TRO: variants seen among roughly 807,000 people sequenced by gnomAD.
TRO encodes trophinin.
In TRO, 29 loss-of-function variants were observed where a neutral mutation model predicts 42.3. The ratio of observed to expected loss-of-function variants is 0.68; its 90% CI spans 0.51 to 0.93. TRO has a LOEUF of 0.93. Ranked by LOEUF, TRO falls within the 40% of genes least tolerant of loss-of-function variation. The pLI is 0.00. For synonymous variants in TRO, 384 were observed against 425.2 expected (o/e 0.90, Z 1.19); for missense variants, 963 against 1,127.7 (o/e 0.85, Z 2.09).
intron 1 of TRO, chrX:54,921,990 T>C (rs1285745740): frequency 3.2e-6 from 1 of 312,815 alleles, no homozygotes; most frequent in African/African-American, 2.9e-5. Context: ...CACTATCGAG[T>C]TGCGGAGGGG....
At position 54,924,443 on chromosome X, in the gene TRO, T is replaced by C; in HGVS notation, c.1237-8T>C. On this transcript the variant is annotated splice_polypyrimidine_tract_variant and splice_region_variant and intron_variant, in intron 3 of 12. Transcript: ENST00000173898. ...GACTCTGGACCTTCCTTCTTTCTGA[T>C]GATGAAGTCCAAGCATCTGAATGGG... is the stretch of plus-strand genomic sequence containing the variant. 8.4e-7 allele frequency: 1 copy of C among 1,194,056 alleles called. No individual in the cohort carries two copies. Among genetic ancestry groups the C allele is most frequent in the Non-Finnish European group, 1.1e-6 (1 of 886,905 alleles).
rs939940763 is a variant in TRO, at chrX:54,930,644, C to T, written c.3920C>T (p.Ala1307Val). 3 of 1,210,852 alleles carry T rather than the reference C, an allele frequency of 2.5e-6. No homozygotes were observed. The highest frequency in any genetic ancestry group is 3.0e-5 in the East Asian group (1 of 33,821). The change falls in exon 12 of 13, where the codon GCT becomes GTT. Residue 1307 changes from alanine (A) to valine (V), a missense_variant. Physicochemically the swap from Ala to Val is moderately conservative, Grantham distance 64. This residue lies in a region of TRO where 641 missense variants were observed against 811.3 expected (regional missense o/e 0.79). Transcript: ENST00000173898. ...TTCGGCAGCACACTTGGCACCAGTG[C>T]TGGCTTTAGTGGTGGCCTCAGCACC... The part of the protein sequence containing the change: ...ASFGSTLGTS[A>V]GFSGGLSTSD...
chrX:54,922,058 C>T (rs1243432921), intron 1 of TRO, 145 bp from the exon 2 acceptor site: 11 of 423,074 alleles, frequency 2.6e-5, no homozygotes, highest in Non-Finnish European at 4.4e-5. Flanking sequence ...GGAGCTGGGC[C>T]TTGGAAACCA....
rs746078497 is a variant in TRO at position 54,930,705 on chromosome X, C to T, written c.3981C>T (p.Phe1327=). The T allele has an allele frequency of 3.1e-5, 37 of 1,210,603 alleles. No homozygotes were observed. Among genetic ancestry groups the T allele is most frequent in the African/African-American group, 5.2e-5 (3 of 57,327 alleles). Residue 1327 remains phenylalanine (F), a synonymous_variant, in exon 12 of 13, where the codon TTC becomes TTT. Transcript: ENST00000173898. ...DGFGSRPNAS[F]DRGLSTIIGF... is the part of the protein sequence containing the mutation. ...TTGGCAGTAGGCCTAATGCCAGCTT[C>T]GACAGAGGACTGAGTACCATCATTG... is the stretch of plus-strand genomic sequence containing the variant.
rs187956768 is a variant in TRO, at chrX:54,929,818, G to A, written c.3094G>A (p.Ala1032Thr). 900 of 1,206,692 alleles carry A rather than the reference G, an allele frequency of 7.5e-4. 3 individuals carry two copies. The African/African-American group carries it at 0.014, about 19-fold the overall frequency. The change falls in exon 12 of 13, where the codon GCT (alanine) becomes ACT (threonine). Residue 1032 changes from alanine to threonine, a missense_variant. Ala to Thr is a moderately conservative substitution (Grantham distance 58). Transcript: ENST00000173898. ...ALNTNAGYGGAVSTNTDFGGT... is the reference protein window; with the variant it reads ...ALNTNAGYGGTVSTNTDFGGT... ...CAACACCAATGCTGGTTATGGTGGT[G>A]CTGTCAGCACCAACACTGACTTTGG... is the stretch of plus-strand genomic sequence containing the variant.
Position 54,926,308 on chromosome X carries a change from G to T in TRO, c.1578-102G>T, listed in dbSNP as rs939267559. The T allele has an allele frequency of 2.7e-5, 22 of 804,909 alleles. No individual in the cohort carries two copies. In the African/African-American group the frequency reaches 4.3e-4, roughly 16 times the overall value. The allele number at this position is 804,909 out of a possible 1,213,427, so 66.3% of individuals were successfully genotyped here. On this transcript the variant is annotated intron_variant, in intron 7 of 12. Coordinates refer to ENST00000173898, the MANE Select transcript of TRO (RefSeq NM_001039705.3). The stretch of plus-strand genomic sequence containing the variant: ...GAGGAATCTGGGAGAGGTTAGCCTG[G>T]TGAGCTGGCTGGTGTATCTTTTGCG...
chrX:54,926,000 TG>T (rs1932715717), intron 7 of TRO, among the ~76,000 whole-genome samples: 1 of 111,384 alleles, frequency 9.0e-6, no homozygotes, highest in Non-Finnish European at 1.9e-5. Context: ...TTTGACAGAG[TG>T]GTTCTCAAGG....
At chrX:54,926,647 G>A (rs1248261919) in intron 9 of TRO, 22 bp downstream of exon 9, 25 of 1,209,241 alleles carry the variant, frequency 2.1e-5, no homozygotes, top group South Asian at 1.2e-4. Flanking sequence ...CTCTCTCAGC[G>A]CTTGCTGTCC....
chrX:54,927,217 T>C, intron 10 of TRO, 112 bp downstream of exon 10: 1 of 836,533 alleles, frequency 1.2e-6, no homozygotes, highest in Non-Finnish European at 1.7e-6. Context: ...GGGATGGGCA[T>C]CCTGTGTCCT....
At position 54,927,090 on chromosome X, in the gene TRO, A is replaced by G; in HGVS notation, c.1748A>G (p.Glu583Gly). 1 of 1,211,486 alleles carries G rather than the reference A, an allele frequency of 8.3e-7. No homozygotes were observed. The highest frequency in any genetic ancestry group is 1.1e-6 in the Non-Finnish European group (1 of 895,433). Residue 583 changes from glutamate to glycine, a missense_variant, in exon 10 of 13, where the codon GAG (glutamate) becomes GGG (glycine). Physicochemically the swap from Glu to Gly is moderately conservative, Grantham distance 98. Coordinates refer to ENST00000173898, the MANE Select transcript of TRO (RefSeq NM_001039705.3). ...GAAGTGAGGAAGCTCATCACAGACG[A>G]GTTTGTGAAGCAGAAGTAAGTGGTG... ...FGEVRKLITD[E>G]FVKQKYLEYK... is the part of the protein sequence containing the mutation.
In TRO at chrX:54,926,433, G is replaced by A. The variant is rs1257354570; in HGVS notation, c.1601G>A (p.Gly534Asp). 8.3e-7 allele frequency: 1 copy of A among 1,210,482 alleles called. No homozygotes were observed. The highest frequency in any genetic ancestry group is 1.1e-6 in the Non-Finnish European group (1 of 895,270). Residue 534 changes from glycine (G) to aspartate (D), a missense_variant, in exon 8 of 13, where the codon GGT (glycine) becomes GAT (aspartate). Physicochemically the swap from Gly to Asp is moderately conservative, Grantham distance 94 (BLOSUM62 -1). Coordinates refer to ENST00000173898, the MANE Select transcript of TRO (RefSeq NM_001039705.3). Reference sequence around the variant, plus strand: ...AGGACCAAGGACACACCCAAGCTGGGTCTCCTCATGGTGATTCTGAGTGTC... The same window carrying A: ...AGGACCAAGGACACACCCAAGCTGGATCTCCTCATGGTGATTCTGAGTGTC... ...LGTTKDTPKL[G>D]LLMVILSVIF...
At chrX:54,921,323 C>A (rs1932010541) in intron 1 of TRO, 2 of 110,940 alleles carry the variant, frequency 1.8e-5, no homozygotes, top group East Asian at 5.8e-4. Flanking sequence ...GGGCAGCATC[C>A]CTTTTGAGCA....
Position 54,922,255 on chromosome X carries a change from G to C in TRO, c.9G>C (p.Arg3Ser). The C allele has an allele frequency of 2.5e-6, 3 of 1,209,585 alleles. No homozygotes were observed. In the South Asian group the frequency reaches 5.3e-5, roughly 22 times the overall value. Residue 3 changes from arginine (R) to serine (S), a missense_variant, in exon 2 of 13, where the codon AGG becomes AGC. Arg to Ser is a moderately radical substitution (Grantham distance 110). This residue lies in a region of TRO where 322 missense variants were observed against 316.5 expected (regional missense o/e 1.02). Coordinates refer to ENST00000173898, the MANE Select transcript of TRO (RefSeq NM_001039705.3). ...CTCGGCCTCCCAGAAAGATGGATAG[G>C]AGAAATGACTACGGATATAGGGTGC... The part of the protein sequence containing the change: MD[R>S]RNDYGYRVPL...
In TRO at chrX:54,925,624, G is replaced by A; in HGVS notation, c.1518G>A (p.Lys506=). Residue 506 remains lysine, a synonymous_variant, in exon 7 of 13, where the codon AAG becomes AAA. Coordinates refer to ENST00000173898, the MANE Select transcript of TRO (RefSeq NM_001039705.3). The part of the protein sequence containing the change: ...MFRVNLKEID[K]QSSLYILIST... ...GAGTCAATCTGAAAGAAATTGATAA[G>A]CAAAGTAGCTTGTATATTCTCATCA... is the stretch of plus-strand genomic sequence containing the variant. 1 of 1,210,933 alleles carries A rather than the reference G, an allele frequency of 8.3e-7. No homozygotes were observed. Among genetic ancestry groups the A allele is most frequent in the African/African-American group, 1.7e-5 (1 of 57,814 alleles).
intron 7 of TRO, 123 bp downstream of exon 7, chrX:54,925,806 T>C (rs1303225031): frequency 5.4e-6 from 3 of 551,642 alleles, no homozygotes; most frequent in Non-Finnish European, 8.9e-6. Flanking sequence ...TCAAAAGCCC[T>C]GTCTCAGCAC....
Position 54,927,029 on chromosome X carries a change from T to A in TRO, c.1701-14T>A. On this transcript the variant is annotated splice_polypyrimidine_tract_variant and intron_variant, in intron 9 of 12. Transcript: ENST00000173898. ...TTCTGATCTGTGTTCATGGGTTATT[T>A]TTCCCATTGTCAGGGTGAGGCATTC... is the stretch of plus-strand genomic sequence containing the variant. 1 of 1,211,445 alleles carries A rather than the reference T, an allele frequency of 8.3e-7. No homozygotes were observed. Among genetic ancestry groups the A allele is most frequent in the Non-Finnish European group, 1.1e-6 (1 of 895,333 alleles).
chrX:54,927,022 G>C, intron 9 of TRO, 21 bp from the exon 10 acceptor site: 3 of 1,210,674 alleles, frequency 2.5e-6, no homozygotes, highest in Non-Finnish European at 3.4e-6. Context: ...TGTGTTCATG[G>C]GTTATTTTTC....
chrX:54,923,346 A>G lies in TRO; in HGVS notation c.814A>G (p.Thr272Ala), dbSNP rs1378110129. The G allele has an allele frequency of 1.7e-6, 2 of 1,209,620 alleles. No homozygotes were observed. Among genetic ancestry groups the G allele is most frequent in the Non-Finnish European group, 2.2e-6 (2 of 894,347 alleles). The change falls in exon 3 of 13, where the codon ACT becomes GCT. Residue 272 changes from threonine (T) to alanine (A), a missense_variant. Thr to Ala is a moderately conservative substitution (Grantham distance 58, BLOSUM62 0). Transcript: ENST00000173898. ...KTIAKVINTDTEHIEALNVTD... is the reference protein window; with the variant it reads ...KTIAKVINTDAEHIEALNVTD... ...AATTGCTAAGGTCATAAATACTGAC[A>G]CTGAGCATATAGAGGCTCTAAATGT... is the stretch of plus-strand genomic sequence containing the variant.
At chrX:54,926,848 T>G (rs1932783410) in intron 9 of TRO, 195 bp from the exon 10 acceptor site, 2 of 634,130 alleles carry the variant, frequency 3.2e-6, no homozygotes, top group Non-Finnish European at 4.7e-6. Context: ...AGATGTTAGA[T>G]AGACCTTCAG....
Sources: gnomAD v4.1 joint callset for allele counts (sites outside exome capture counted in the v4.1 genomes callset) on GRCh38, gnomAD v4.1.1 for gene constraint, gnomAD v4.1.1 regional missense constraint, MANE v1.5 for transcripts, NCBI Gene and HGNC (gene_info 2026-07-23, HGNC 2026-07-21) for gene names.